RNF126: variants seen among roughly 807,000 people sequenced by gnomAD.
RNF126 encodes the protein E3 ubiquitin-protein ligase RNF126.
A neutral mutation model predicts 41.9 loss-of-function variants in RNF126; 20 were observed. The ratio of observed to expected loss-of-function variants is 0.48; its 90% CI spans 0.34 to 0.69. The LOEUF is 0.69. Ranked by LOEUF, RNF126 falls within the 30% of genes least tolerant of loss-of-function variation. RNF126 has a pLI of 0.01. For synonymous variants in RNF126, 239 were observed against 202.9 expected (o/e 1.18, Z -1.51); for missense variants, 433 against 460.6 (o/e 0.94, Z 0.55).
chr19:650,331 G>A (rs780116869), intron 4 of RNF126, 35 bp from the exon 5 acceptor site: 63 of 1,555,376 alleles, frequency 4.1e-5, no homozygotes, highest in Admixed American at 7.9e-5. Context: ...GGGTGAGGCC[G>A]CCCCACGCAC....
chr19:659,564 G>T lies in RNF126; in HGVS notation c.75+3483C>A, dbSNP rs2030706799. Among the ~76,000 whole-genome samples, 1 of 152,118 alleles carries T rather than the reference G, an allele frequency of 6.6e-6. No homozygotes were observed. The highest frequency in any genetic ancestry group is 1.5e-5 in the Non-Finnish European group (1 of 68,006). On this transcript the variant is annotated intron_variant, in intron 1 of 8. Coordinates refer to ENST00000292363, the MANE Select transcript of RNF126 (RefSeq NM_194460.3). The surrounding 1 kb of genome is among the most constrained non-coding windows in gnomAD (Gnocchi z 4.9). ...CCTCCCTGCGCCCGCCTGGTTCCTG[G>T]GGGCTCAGTGCCCTCAGCAGCTCTC...
At chr19:650,477 G>A (rs1030223600) in intron 4 of RNF126, 181 bp from the exon 5 acceptor site, 1 of 551,342 alleles carries the variant, frequency 1.8e-6, no homozygotes, top group African/African-American at 1.9e-5. Flanking sequence ...GAGAGAAGCA[G>A]CTTGATCTTG....
intron 1 of RNF126, among the ~76,000 whole-genome samples, chr19:662,135 A>T (rs892448260): frequency 1.3e-5 from 2 of 152,158 alleles, no homozygotes; most frequent in African/African-American, 4.8e-5. Flanking sequence ...CCTGGGCAAC[A>T]CAGGGAGACC....
intron 6 of RNF126, chr19:649,220 T>TCG (rs533929053): frequency 8.1e-6 from 1 of 123,614 alleles, no homozygotes; most frequent in Non-Finnish European, 1.7e-5. Context: ...GACAGCGGAA[T>TCG]GGGGGGGGGG....
Position 660,779 on chromosome 19 carries a change from G to A in RNF126, c.75+2268C>T, listed in dbSNP as rs79609574. 5.6e-3 allele frequency among the ~76,000 whole-genome samples: 860 copies of A among 152,306 alleles called. 9 individuals carry two copies. The highest frequency in any genetic ancestry group is 0.02 in the African/African-American group (826 of 41,554). ...CCCGCCAGTAGCTGGGACTCCAGGA[G>A]TGCAACAACACACCCCACTAATTGT... On this transcript the variant is annotated intron_variant, in intron 1 of 8. Coordinates refer to ENST00000292363, the MANE Select transcript of RNF126 (RefSeq NM_194460.3).
intron 1 of RNF126, among the ~76,000 whole-genome samples, chr19:655,596 G>A (rs1483753056): frequency 1.3e-5 from 2 of 152,116 alleles, no homozygotes; most frequent in African/African-American, 2.4e-5. Context: ...CCCAGGGCCA[G>A]CCAGGACGAG....
chr19:648,564 C>A, intron 7 of RNF126, 77 bp from the exon 8 acceptor site: 1 of 1,244,098 alleles, frequency 8.0e-7, no homozygotes, highest in Non-Finnish European at 1.1e-6. Flanking sequence ...ACTCCACAGC[C>A]TCAGCCGGAG....
intron 3 of RNF126, 151 bp downstream of exon 3, chr19:652,082 C>A: frequency 2.7e-6 from 2 of 733,462 alleles, no homozygotes; most frequent in Non-Finnish European, 4.2e-6. Flanking sequence ...CAGCGTGGGC[C>A]GCCCCAATCC....
intron 1 of RNF126, among the ~76,000 whole-genome samples, chr19:658,013 A>G (rs1009628): frequency 0.85 from 129,627 of 151,886 alleles, 55,475 homozygotes; most frequent in East Asian, 1. Flanking sequence ...CTCCGGGGGC[A>G]GCACGCACTG....
At position 648,360 on chromosome 19, in the gene RNF126, C is replaced by CG; in HGVS notation, c.786+11dup. The CG allele has an allele frequency of 6.6e-6, 2 of 302,280 alleles. No individual in the cohort carries two copies. Among genetic ancestry groups the CG allele is most frequent in the Non-Finnish European group, 9.8e-6 (2 of 205,048 alleles). The allele number at this position is 302,280 out of a possible 1,614,324, so 18.7% of individuals were successfully genotyped here. On this transcript the variant is annotated intron_variant, in intron 8 of 8. Transcript: ENST00000292363. ...CGGTCGGGGTGGGGGGGCGGGTGGG[C>CG]GGGGCACTCACCTGCTCCAGCCAGG...
Position 651,653 on chromosome 19 carries a change from C to G in RNF126, c.401G>C (p.Arg134Pro). 1 of 1,528,704 alleles carries G rather than the reference C, an allele frequency of 6.5e-7. No homozygotes were observed. Among genetic ancestry groups the G allele is most frequent in the Non-Finnish European group, 8.8e-7 (1 of 1,138,044 alleles). The allele number at this position is 1,528,704 out of a possible 1,614,324, so 94.7% of individuals were successfully genotyped here. ...GCCTTCGTGCCGGCCGGTGGCCCGC[C>G]GCGTGGTGAGGCGGGCGCGGGGCTG... ...ARQPRARLTT[R>P]RATGRHEGVP... Residue 134 changes from arginine (R) to proline (P), a missense_variant, in exon 4 of 9, where the codon CGG becomes CCG. Physicochemically the swap from Arg to Pro is moderately radical, Grantham distance 103. This residue lies in a region of RNF126 where 247 missense variants were observed against 224.7 expected (regional missense o/e 1.10). Coordinates refer to ENST00000292363, the MANE Select transcript of RNF126 (RefSeq NM_194460.3).
Position 659,374 on chromosome 19 carries a change from C to A in RNF126, c.75+3673G>T, listed in dbSNP as rs573062021. On this transcript the variant is annotated intron_variant, in intron 1 of 8. Transcript: ENST00000292363. The surrounding 1 kb of genome is among the most constrained non-coding windows in gnomAD (Gnocchi z 4.9). Reference sequence around the variant, plus strand: ...GCCCACGCCGGCTCTTCCCCGCCACCGTGGGCGGCAGGGCCCAGCACCCCC... The same window carrying A: ...GCCCACGCCGGCTCTTCCCCGCCACAGTGGGCGGCAGGGCCCAGCACCCCC... 3.9e-5 allele frequency among the ~76,000 whole-genome samples: 6 copies of A among 152,116 alleles called. No homozygotes were observed. Among genetic ancestry groups the A allele is most frequent in the Non-Finnish European group, 8.8e-5 (6 of 67,984 alleles).
intron 1 of RNF126, among the ~76,000 whole-genome samples, chr19:653,617 T>A (rs1414834035): frequency 6.6e-6 from 1 of 152,178 alleles, no homozygotes; most frequent in Non-Finnish European, 1.5e-5. Context: ...CATGGATGGC[T>A]GGGCCCCTGG....
intron 1 of RNF126, among the ~76,000 whole-genome samples, chr19:654,838 G>A (rs1490005232): frequency 1.3e-5 from 2 of 151,514 alleles, no homozygotes; most frequent in African/African-American, 4.9e-5. Flanking sequence ...GTGGTGGCAC[G>A]TACCTGTAAT....
chr19:653,292 A>C (rs907134373), intron 1 of RNF126, among the ~76,000 whole-genome samples: 1 of 152,112 alleles, frequency 6.6e-6, no homozygotes, highest in African/African-American at 2.4e-5. Context: ...GCAGCCCCGC[A>C]CACAGCCCGT....
intron 1 of RNF126, among the ~76,000 whole-genome samples, chr19:656,659 G>C (rs1284127210): frequency 2.0e-5 from 3 of 152,006 alleles, no homozygotes; most frequent in Non-Finnish European, 4.4e-5. Flanking sequence ...AAAAGAAAAA[G>C]AAAAAGGGAA....
chr19:663,148 CCGCCCCCCGCGCGG>C lies in RNF126; in HGVS notation c.-41_-28del. ...GCCGCCGCCACCTACTCCGCGCCGC[CCGCCCCCCGCGCGG>C]CACCCGCCGCCGGCCGTTTGCTGCT... On this transcript the variant is annotated 5_prime_UTR_variant, in exon 1 of 9. Coordinates refer to ENST00000292363, the MANE Select transcript of RNF126 (RefSeq NM_194460.3). 1 of 1,143,928 alleles carries C rather than the reference CCGCCCCCCGCGCGG, an allele frequency of 8.7e-7. No homozygotes were observed. The highest frequency in any genetic ancestry group is 1.1e-6 in the Non-Finnish European group (1 of 921,064). 70.9% of individuals were successfully genotyped at this position (1,143,928 alleles called of 1,614,324 possible).
rs1457055494 is a variant in RNF126 at position 648,430 on chromosome 19, C to T, written c.728G>A (p.Arg243Gln). ...GAACAGGTGGTTGCAGGGCAGCTGC[C>T]GCACACGCTCACCCAGCGCGTAGTC... ...KDDYALGERV[R>Q]QLPCNHLFHD... The change falls in exon 8 of 9, where the codon CGG becomes CAG. Residue 243 changes from arginine to glutamine, a missense_variant. Physicochemically the swap from Arg to Gln is conservative, Grantham distance 43. Coordinates refer to ENST00000292363, the MANE Select transcript of RNF126 (RefSeq NM_194460.3). The T allele has an allele frequency of 5.7e-6, 9 of 1,590,466 alleles. No individual in the cohort carries two copies. Among genetic ancestry groups the T allele is most frequent in the African/African-American group, 2.7e-5 (2 of 74,238 alleles).
At chr19:653,023 C>T (rs1222857906) in intron 1 of RNF126, 139 bp from the exon 2 acceptor site, 7 of 793,802 alleles carry the variant, frequency 8.8e-6, no homozygotes, top group South Asian at 3.1e-5. Flanking sequence ...GCTCCCAACC[C>T]GTGGGTCCTG....
Sources: allele counts gnomAD v4.1 joint callset (sites outside exome capture counted in the v4.1 genomes callset), GRCh38; gene constraint gnomAD v4.1.1; regional missense constraint gnomAD v4.1.1; non-coding constraint Gnocchi (gnomAD v3.1); transcripts MANE v1.5; gene names NCBI Gene and HGNC (gene_info 2026-07-23, HGNC 2026-07-21).